LYN: variants seen among roughly 807,000 people sequenced by gnomAD.
LYN encodes tyrosine-protein kinase Lyn.
LYN carries 12 observed loss-of-function variants against 65.0 expected under a neutral mutation model. That is an observed-to-expected ratio of 0.18 (90% CI 0.12 to 0.30). LYN has a LOEUF of 0.30. Among genes scored for constraint, LYN ranks in the 10% least tolerant of loss-of-function variants. The pLI is 1.00. For missense variants in LYN, 380 were observed against 623.2 expected (o/e 0.61, Z 4.16); for synonymous variants, 222 against 221.2 (o/e 1.00, Z -0.03).
chr8:55,941,816 G>C (rs1353713232), intron 1 of LYN, 39 bp from the exon 2 acceptor site: 1 of 1,574,170 alleles, frequency 6.4e-7, no homozygotes, highest in Non-Finnish European at 8.7e-7. Flanking sequence ...AGCAGTTCTG[G>C]AATGGTAAAA....
At chr8:55,957,240 A>G (rs937345214) in intron 8 of LYN, among the ~76,000 whole-genome samples, 4 of 152,186 alleles carry the variant, frequency 2.6e-5, no homozygotes, top group South Asian at 2.1e-4. Flanking sequence ...TGTTTCCCAG[A>G]GTCTGACTCC....
chr8:55,977,751 CA>C (rs35305537), intron 10 of LYN, among the ~76,000 whole-genome samples: 27,908 of 117,512 alleles, frequency 0.24, 2,773 homozygotes, highest in Middle Eastern at 0.3. Context: ...CTATCTCTAC[CA>C]AAAAAAAAAA....
chr8:55,969,648 A>T (rs1450456197), intron 9 of LYN, 69 bp from the exon 10 acceptor site: 2 of 1,099,192 alleles, frequency 1.8e-6, no homozygotes, highest in African/African-American at 1.5e-5. Context: ...AGTAATGATG[A>T]TGTGAATTTT....
At position 55,911,257 on chromosome 8, in the gene LYN, GTA is replaced by G. The variant is rs1164931946; in HGVS notation, c.-5-30570_-5-30569del. Among the ~76,000 whole-genome samples the G allele has an allele frequency of 1.1e-3, 9 of 8,326 alleles. 3 individuals carry two copies. The highest frequency in any genetic ancestry group is 3.9e-3 in the Admixed American group (2 of 508). The allele number at this position is 8,326 out of a possible 152,430, so 5.5% of individuals were successfully genotyped here. ...TACATATATATATACGTGTGTGTGT[GTA>G]TATATATATATATATATATATATAT... On this transcript the variant is annotated intron_variant, in intron 1 of 12. Coordinates refer to ENST00000519728, the MANE Select transcript of LYN (RefSeq NM_002350.4).
chr8:55,956,936 G>A (rs1411194661), intron 8 of LYN, among the ~76,000 whole-genome samples: 1 of 152,218 alleles, frequency 6.6e-6, no homozygotes, highest in Non-Finnish European at 1.5e-5. Flanking sequence ...CCTGCTCTAA[G>A]TGTGTTTGCA....
chr8:55,882,784 A>T (rs1346545110), intron 1 of LYN, among the ~76,000 whole-genome samples: 3 of 152,224 alleles, frequency 2.0e-5, no homozygotes, highest in Non-Finnish European at 4.4e-5. Flanking sequence ...AGGGACAGAT[A>T]CAGAAAAAGA....
At chr8:56,001,058 G>T (rs548351760) in intron 12 of LYN, among the ~76,000 whole-genome samples, 7 of 152,038 alleles carry the variant, frequency 4.6e-5, no homozygotes, top group Non-Finnish European at 7.4e-5. Context: ...CTCACAGAAG[G>T]GGGTGGGGAG....
intron 1 of LYN, among the ~76,000 whole-genome samples, chr8:55,924,480 A>C (rs1400004989): frequency 6.6e-6 from 1 of 151,726 alleles, no homozygotes; most frequent in Non-Finnish European, 1.5e-5. Context: ...CTCCTGCCTC[A>C]GCCTCCCTAG....
chr8:55,991,014 C>T (rs1808231008), intron 10 of LYN, among the ~76,000 whole-genome samples: 1 of 152,176 alleles, frequency 6.6e-6, no homozygotes, highest in Admixed American at 6.5e-5. Flanking sequence ...TGAAATCATA[C>T]TAGAGATGTG....
intron 2 of LYN, among the ~76,000 whole-genome samples, chr8:55,945,234 T>C (rs2130481648): frequency 6.6e-6 from 1 of 152,360 alleles, no homozygotes; most frequent in Non-Finnish European, 1.5e-5. Context: ...ATTAAAATGT[T>C]TGTAAGTTAA....
intron 1 of LYN, among the ~76,000 whole-genome samples, chr8:55,887,882 T>C (rs1804848624): frequency 6.6e-6 from 1 of 152,056 alleles, no homozygotes; most frequent in Non-Finnish European, 1.5e-5. Context: ...AATCCGGGGA[T>C]TACAGGCATA....
chr8:55,879,975 CG>C lies in LYN; in HGVS notation c.-133del. The C allele has an allele frequency of 3.8e-6, 1 of 266,352 alleles. No individual in the cohort carries two copies. The highest frequency in any genetic ancestry group is 7.7e-6 in the Non-Finnish European group (1 of 129,120). 16.5% of individuals were successfully genotyped at this position (266,352 alleles called of 1,614,324 possible). ...CGGCCCCGCGCCAGCAGCCCCTCGC[CG>C]CGCGTCCAGCGTTCCCGGCCAGCAG... On this transcript the variant is annotated 5_prime_UTR_variant, in exon 1 of 13. Transcript: ENST00000519728.
At position 55,884,224 on chromosome 8, in the gene LYN, C is replaced by G. The variant is rs1804725736; in HGVS notation, c.-6+4121C>G. ...AAGCAATCCTCCCTGCCTCAGCCTT[C>G]TGAGTAGTTGGGATTACTTACAAGC... On this transcript the variant is annotated intron_variant, in intron 1 of 12. Transcript: ENST00000519728. Among the ~76,000 whole-genome samples, 2 of 152,172 alleles carry G rather than the reference C, an allele frequency of 1.3e-5. 1 individual carries two copies. The highest frequency in any genetic ancestry group is 1.3e-4 in the Admixed American group (2 of 15,280).
At chr8:55,910,819 C>A (rs1805577128) in intron 1 of LYN, among the ~76,000 whole-genome samples, 1 of 151,428 alleles carries the variant, frequency 6.6e-6, no homozygotes, top group Non-Finnish European at 1.5e-5. Flanking sequence ...CATCTTGTTG[C>A]AGTTGAATTA....
chr8:55,922,698 C>T (rs1418090868), intron 1 of LYN, among the ~76,000 whole-genome samples: 6 of 151,394 alleles, frequency 4.0e-5, no homozygotes, highest in African/African-American at 1.2e-4. Context: ...ACCTGGCAGG[C>T]GGAGGCTGCA....
chr8:55,955,334 G>A (rs905494056), intron 8 of LYN: 1 of 152,172 alleles, frequency 6.6e-6, no homozygotes, highest in Admixed American at 6.5e-5. Context: ...CAGGTAAACT[G>A]TAATTACATG....
chr8:55,940,575 C>T (rs182507606), intron 1 of LYN, among the ~76,000 whole-genome samples: 226 of 152,244 alleles, frequency 1.5e-3, no homozygotes, highest in Middle Eastern at 3.4e-3. Flanking sequence ...GGGGTTTCAC[C>T]ATGTTGGCCA....
intron 1 of LYN, among the ~76,000 whole-genome samples, chr8:55,896,515 G>A (rs887575546): frequency 1.3e-5 from 2 of 151,934 alleles, no homozygotes; most frequent in African/African-American, 4.8e-5. Context: ...GGGGTGGGGG[G>A]CCTAAGGGAG....
At chr8:55,917,589 C>T (rs1805814995) in intron 1 of LYN, among the ~76,000 whole-genome samples, 1 of 152,130 alleles carries the variant, frequency 6.6e-6, no homozygotes, top group Non-Finnish European at 1.5e-5. Flanking sequence ...GTGACAGGGG[C>T]TAGCAAGAAA....
Sources: allele counts gnomAD v4.1 joint callset (sites outside exome capture counted in the v4.1 genomes callset), GRCh38; gene constraint gnomAD v4.1.1; transcripts MANE v1.5; gene names NCBI Gene and HGNC (gene_info 2026-07-23, HGNC 2026-07-21).